The following GTF2B variants were observed in gnomAD, a reference collection of about 807,000 sequenced individuals.
The protein encoded by GTF2B is general transcription factor IIB, also known as transcription initiation factor IIB.
GTF2B carries 20 observed loss-of-function variants against 34.6 expected under a neutral mutation model. The ratio of observed to expected loss-of-function variants is 0.58; its 90% CI spans 0.41 to 0.84. The LOEUF is 0.84. Among genes scored for constraint, GTF2B ranks in the 40% least tolerant of loss-of-function variants. GTF2B has a pLI of 0.00. For synonymous variants in GTF2B, 142 were observed against 132.4 expected (o/e 1.07, Z -0.50); for missense variants, 237 against 393.3 (o/e 0.60, Z 3.36).
At chr1:88,859,706 C>A (rs775254037) in intron 5 of GTF2B, among the ~76,000 whole-genome samples, 176 bp downstream of exon 5, 1 of 152,052 alleles carries the variant, frequency 6.6e-6, no homozygotes, top group Non-Finnish European at 1.5e-5. Flanking sequence ...TGTGGTGGCA[C>A]ATGCCTGTAA....
chr1:88,853,122 T>C lies in GTF2B; in HGVS notation c.*91A>G. 1 of 1,180,376 alleles carries C rather than the reference T, an allele frequency of 8.5e-7. No homozygotes were observed. The highest frequency in any genetic ancestry group is 1.3e-6 in the Non-Finnish European group (1 of 786,536). The allele number at this position is 1,180,376 out of a possible 1,614,324, so 73.1% of individuals were successfully genotyped here. A position where few individuals can be genotyped will look rare whatever the true frequency, so the allele number is the denominator to read the frequency against. On this transcript the variant is annotated 3_prime_UTR_variant, in exon 7 of 7. Transcript: ENST00000370500. ...GAATGCGTACCATGTCTTTTGTTTTTCCTCATGAAAGGCTCAACCCAGCAT... is the reference window on the plus strand; with the variant it reads ...GAATGCGTACCATGTCTTTTGTTTTCCCTCATGAAAGGCTCAACCCAGCAT...
intron 2 of GTF2B, among the ~76,000 whole-genome samples, chr1:88,866,863 G>GGACA (rs1336747055): frequency 2.0e-5 from 3 of 152,172 alleles, no homozygotes; most frequent in African/African-American, 7.2e-5. Flanking sequence ...GGCAGAAGCA[G>GGACA]GACAGTAAGT....
intron 4 of GTF2B, 42 bp downstream of exon 4, chr1:88,860,098 G>T: frequency 6.2e-7 from 1 of 1,612,134 alleles, no homozygotes; most frequent in South Asian, 1.1e-5. Context: ...ATTATGCAAA[G>T]TCAATGCCAG....
chr1:88,857,690 C>CTTTTTTTTTTTTT (rs1369129929), intron 5 of GTF2B, among the ~76,000 whole-genome samples: 1 of 5,664 alleles, frequency 1.8e-4, no homozygotes, highest in Non-Finnish European at 5.2e-4. Context: ...GTTCATCACA[C>CTTTTTTTTTTTTT]CTTTTTTTTT....
chr1:88,870,613 G>A (rs1173877725), intron 2 of GTF2B, among the ~76,000 whole-genome samples: 1 of 151,928 alleles, frequency 6.6e-6, no homozygotes, highest in South Asian at 2.1e-4. Flanking sequence ...ACTTTTAATA[G>A]ACTATTAATT....
chr1:88,853,477 A>G (rs1673235260), intron 6 of GTF2B, 131 bp from the exon 7 acceptor site: 1 of 811,798 alleles, frequency 1.2e-6, no homozygotes, highest in Admixed American at 2.3e-5. Flanking sequence ...TGATTTCTAA[A>G]AACTGATAAT....
chr1:88,882,327 A>C (rs943850306), intron 2 of GTF2B, among the ~76,000 whole-genome samples: 14 of 149,716 alleles, frequency 9.4e-5, no homozygotes, highest in Middle Eastern at 3.2e-3. Context: ...AAAAAAAAAA[A>C]AAAAAAAAAA....
At chr1:88,855,445 C>T (rs1294254535) in intron 6 of GTF2B, among the ~76,000 whole-genome samples, 2 of 151,330 alleles carry the variant, frequency 1.3e-5, no homozygotes, top group Non-Finnish European at 2.9e-5. Flanking sequence ...CTCTGCCTCC[C>T]AAGTTCAAGA....
intron 6 of GTF2B, among the ~76,000 whole-genome samples, chr1:88,856,764 C>T (rs1394624930): frequency 2.7e-5 from 4 of 149,256 alleles, no homozygotes; most frequent in Non-Finnish European, 4.4e-5. Flanking sequence ...AACATATTTT[C>T]TTAACATTTT....
chr1:88,888,245 A>G lies in GTF2B; in HGVS notation c.18-878T>C, dbSNP rs563531836. Among the ~76,000 whole-genome samples, 6 of 152,350 alleles carry G rather than the reference A, an allele frequency of 3.9e-5. No individual in the cohort carries two copies. In the East Asian group the frequency reaches 1.2e-3, roughly 29 times the overall value. On this transcript the variant is annotated intron_variant, in intron 1 of 6. Coordinates refer to ENST00000370500, the MANE Select transcript of GTF2B (RefSeq NM_001514.6). ...TCAACTGTTCTTATAGTATGTAAATAGTATTTGTGGTTTGGGGTAAAGTTT... is the reference window on the plus strand; with the variant it reads ...TCAACTGTTCTTATAGTATGTAAATGGTATTTGTGGTTTGGGGTAAAGTTT...
At chr1:88,866,694 C>T (rs905975415) in intron 2 of GTF2B, among the ~76,000 whole-genome samples, 2 of 152,198 alleles carry the variant, frequency 1.3e-5, no homozygotes. Flanking sequence ...AGGGGTGGGC[C>T]ACCATGCACA....
chr1:88,868,430 AGT>A (rs1673606409), intron 2 of GTF2B, among the ~76,000 whole-genome samples: 1 of 152,202 alleles, frequency 6.6e-6, no homozygotes, highest in South Asian at 2.1e-4. Flanking sequence ...CTCCACCTAG[AGT>A]GTGACCTTTA....
At chr1:88,855,823 T>A (rs1453083712) in intron 6 of GTF2B, among the ~76,000 whole-genome samples, 1 of 152,002 alleles carries the variant, frequency 6.6e-6, no homozygotes, top group Non-Finnish European at 1.5e-5. Context: ...CCGACTAATT[T>A]TTTTGTGTTT....
At chr1:88,856,295 A>AAC (rs1557652151) in intron 6 of GTF2B, among the ~76,000 whole-genome samples, 2 of 149,484 alleles carry the variant, frequency 1.3e-5, no homozygotes, top group Non-Finnish European at 3.0e-5. Context: ...AAAAAACAAA[A>AAC]AAAAAAAAGG....
chr1:88,871,517 A>C (rs905960433), intron 2 of GTF2B, among the ~76,000 whole-genome samples: 2 of 152,178 alleles, frequency 1.3e-5, no homozygotes, highest in African/African-American at 4.8e-5. Context: ...CAAAAGTGAC[A>C]GTAACATTTC....
chr1:88,865,857 A>AAAACAAAC (rs10649931), intron 2 of GTF2B, among the ~76,000 whole-genome samples: 37 of 148,686 alleles, frequency 2.5e-4, no homozygotes, highest in African/African-American at 9.4e-4. Context: ...AAAACAAAAC[A>AAAACAAAC]AAACAAACAA....
intron 2 of GTF2B, among the ~76,000 whole-genome samples, chr1:88,873,998 G>A (rs549836141): frequency 3.2e-4 from 48 of 152,262 alleles, no homozygotes; most frequent in African/African-American, 1.0e-3. Flanking sequence ...ATAATAGGAT[G>A]GGGGAGAGGA....
chr1:88,878,826 G>C (rs1393543656), intron 2 of GTF2B, among the ~76,000 whole-genome samples: 3 of 152,192 alleles, frequency 2.0e-5, no homozygotes, highest in Non-Finnish European at 4.4e-5. Flanking sequence ...TATAAAATAT[G>C]ACTACTGTAA....
At chr1:88,861,196 CAT>C (rs1673433594) in intron 3 of GTF2B, among the ~76,000 whole-genome samples, 1 of 152,150 alleles carries the variant, frequency 6.6e-6, no homozygotes, top group Non-Finnish European at 1.5e-5. Flanking sequence ...ACTTGAGAAA[CAT>C]GTGAGACGTT....
Sources: gnomAD v4.1 joint callset for allele counts (sites outside exome capture counted in the v4.1 genomes callset) on GRCh38, gnomAD v4.1.1 for gene constraint, MANE v1.5 for transcripts, NCBI Gene and HGNC (gene_info 2026-07-23, HGNC 2026-07-21) for gene names.